DPYD: variants seen among roughly 807,000 people sequenced by gnomAD.
DPYD encodes the protein dihydropyrimidine dehydrogenase.
DPYD carries 109 observed loss-of-function variants against 116.2 expected under a neutral mutation model. The observed-to-expected ratio is 0.94, with a 90% confidence interval of 0.80 to 1.10. The LOEUF (loss-of-function observed/expected upper bound fraction) is 1.10. DPYD is among the 50% of genes least tolerant of loss of function. DPYD has a pLI of 0.00. For missense variants in DPYD, 1,302 were observed against 1,254.5 expected, an observed-to-expected ratio of 1.04 and a Z score of -0.57; for synonymous variants, 440 against 432.0, an observed-to-expected ratio of 1.02 and a Z score of -0.23.
intron 3 of DPYD, among the ~76,000 whole-genome samples, chr1:97,742,879 G>A (rs1000103078): frequency 7.9e-5 from 12 of 151,844 alleles, no homozygotes; most frequent in East Asian, 7.7e-4. Context: ...AAAAGTAAGC[G>A]CACACACACA....
At chr1:97,814,279 A>C (rs907220778) in intron 3 of DPYD, among the ~76,000 whole-genome samples, 1 of 152,156 alleles carries the variant, frequency 6.6e-6, no homozygotes, top group African/African-American at 2.4e-5. Context: ...ACATATGGTT[A>C]ATGAGTCAGA....
At chr1:97,702,974 T>G (rs527960151) in intron 5 of DPYD, among the ~76,000 whole-genome samples, 5 of 151,998 alleles carry the variant, frequency 3.3e-5, no homozygotes, top group African/African-American at 7.2e-5. Context: ...CACTCCTCAG[T>G]ACACATAGCA....
At chr1:97,673,877 G>T (rs1660004058) in intron 8 of DPYD, among the ~76,000 whole-genome samples, 1 of 152,130 alleles carries the variant, frequency 6.6e-6, no homozygotes, top group South Asian at 2.1e-4. Context: ...CTAGGTCCAT[G>T]TCCAAAACTT....
At chr1:97,095,654 A>G (rs1650190904) in intron 21 of DPYD, among the ~76,000 whole-genome samples, 1 of 151,758 alleles carries the variant, frequency 6.6e-6, no homozygotes, top group African/African-American at 2.4e-5. Flanking sequence ...ACATATATAC[A>G]CACACACAGT....
At chr1:97,834,877 G>A (rs1267655205) in intron 2 of DPYD, among the ~76,000 whole-genome samples, 1 of 151,778 alleles carries the variant, frequency 6.6e-6, no homozygotes. Context: ...TTCTTTATAA[G>A]TACAAGTAAG....
chr1:97,646,030 A>C (rs1305909756), intron 8 of DPYD, among the ~76,000 whole-genome samples: 1 of 152,068 alleles, frequency 6.6e-6, no homozygotes, highest in Non-Finnish European at 1.5e-5. Context: ...TGACTTGATC[A>C]TTTTCCCTAT....
At chr1:97,406,261 T>A (rs948275331) in intron 14 of DPYD, among the ~76,000 whole-genome samples, 1 of 141,176 alleles carries the variant, frequency 7.1e-6, no homozygotes, top group African/African-American at 2.6e-5. Context: ...AGCTGTTGGT[T>A]TTTAGTCTCT....
At chr1:97,305,168 A>G in intron 18 of DPYD, 91 bp downstream of exon 18, 1 of 1,590,770 alleles carries the variant, frequency 6.3e-7, no homozygotes, top group Non-Finnish European at 8.6e-7. Flanking sequence ...AGAATTTGGG[A>G]TCATAAAGGG....
At chr1:97,098,198 T>G (rs924116912) in intron 21 of DPYD, among the ~76,000 whole-genome samples, 7 of 152,158 alleles carry the variant, frequency 4.6e-5, no homozygotes, top group African/African-American at 1.7e-4. Context: ...TTTAAGTGAC[T>G]ATAAGAAAAC....
chr1:97,268,317 T>TG lies in DPYD; in HGVS notation c.2300-33324dup, dbSNP rs201338502. Among the ~76,000 whole-genome samples, 1,054 of 152,214 alleles carry TG rather than the reference T, an allele frequency of 6.9e-3. 21 individuals carry two copies. Among genetic ancestry groups the TG allele is most frequent in the African/African-American group, 0.024 (992 of 41,536 alleles). ...TTGCATGCTGGTGGCACCACAGTTCTGGGGTCCAGGGACTGCCTCACTCCC... is the reference window on the plus strand; with the variant it reads ...TTGCATGCTGGTGGCACCACAGTTCTGGGGGTCCAGGGACTGCCTCACTCCC... On this transcript the variant is annotated intron_variant, in intron 18 of 22. Transcript: ENST00000370192.
At chr1:97,642,032 T>A (rs2100820205) in intron 8 of DPYD, among the ~76,000 whole-genome samples, 1 of 152,172 alleles carries the variant, frequency 6.6e-6, no homozygotes, top group African/African-American at 2.4e-5. Context: ...TACCTAGGAA[T>A]ACAAATTACA....
chr1:97,121,499 T>A (rs1410079969), intron 20 of DPYD, among the ~76,000 whole-genome samples: 3 of 152,214 alleles, frequency 2.0e-5, no homozygotes, highest in Non-Finnish European at 4.4e-5. Flanking sequence ...GTTTTTAACA[T>A]ACTGCAGGTG....
chr1:97,675,444 A>G (rs1660090635), intron 8 of DPYD, among the ~76,000 whole-genome samples: 2 of 152,166 alleles, frequency 1.3e-5, no homozygotes, highest in South Asian at 4.1e-4. Flanking sequence ...GGTTCAAGAG[A>G]CATAAGTCTT....
chr1:97,609,105 T>G lies in DPYD; in HGVS notation c.851-13939A>C, dbSNP rs368568667. On this transcript the variant is annotated intron_variant, in intron 8 of 22. Coordinates refer to ENST00000370192, the MANE Select transcript of DPYD (RefSeq NM_000110.4). ...GTTTAATAAACTGAGCAGTCTGCTT[T>G]GATACTTTCTTTTCAGTTTCTGAAT... Among the ~76,000 whole-genome samples, 8 of 152,102 alleles carry G rather than the reference T, an allele frequency of 5.3e-5. No homozygotes were observed. In the East Asian group the frequency reaches 1.5e-3, roughly 29 times the overall value.
rs2100822276 is a variant in DPYD, at chr1:97,254,247, C to G, written c.2300-19253G>C. 2.6e-5 allele frequency among the ~76,000 whole-genome samples: 4 copies of G among 152,194 alleles called. No individual in the cohort carries two copies. In the Middle Eastern group the frequency reaches 0.014, roughly 521 times the overall value. The stretch of plus-strand genomic sequence containing the variant: ...GTTGATATTTGTATGTACCTATTGG[C>G]TCTAGGCATTGCACTGTACATATAC... On this transcript the variant is annotated intron_variant, in intron 18 of 22. Transcript: ENST00000370192.
intron 2 of DPYD, chr1:97,856,425 T>C (rs1558011597): frequency 6.6e-6 from 1 of 152,200 alleles, no homozygotes; most frequent in Non-Finnish European, 1.5e-5. Flanking sequence ...AAAAAGGTCA[T>C]TGGCCTATTA....
intron 15 of DPYD, among the ~76,000 whole-genome samples, chr1:97,375,016 G>A (rs1396294211): frequency 1.6e-5 from 2 of 126,264 alleles, no homozygotes; most frequent in Non-Finnish European, 3.2e-5. Context: ...GTGACACAGC[G>A]AGACTCCAGT....
chr1:97,646,509 T>C (rs1044181608), intron 8 of DPYD, among the ~76,000 whole-genome samples: 1 of 152,098 alleles, frequency 6.6e-6, no homozygotes, highest in Non-Finnish European at 1.5e-5. Context: ...CTGAGGCTTA[T>C]GCTTTATGGT....
chr1:97,764,782 ACTT>A (rs1362416391), intron 3 of DPYD, among the ~76,000 whole-genome samples: 2 of 152,114 alleles, frequency 1.3e-5, no homozygotes, highest in Non-Finnish European at 2.9e-5. Flanking sequence ...TTTATTACGT[ACTT>A]CTCCCTGTAG....
Sources: allele counts gnomAD v4.1 joint callset (sites outside exome capture counted in the v4.1 genomes callset), GRCh38; gene constraint gnomAD v4.1.1; transcripts MANE v1.5; gene names NCBI Gene and HGNC (gene_info 2026-07-23, HGNC 2026-07-21).